The following ST6GALNAC3 variants were observed in gnomAD, a reference collection of about 807,000 sequenced individuals.
ST6GALNAC3 encodes the protein ST6 N-acetylgalactosaminide alpha-2,6-sialyltransferase 3.
A neutral mutation model predicts 32.7 loss-of-function variants in ST6GALNAC3; 25 were observed. The observed-to-expected ratio is 0.76, with a 90% CI of 0.56 to 1.07. The LOEUF (loss-of-function observed/expected upper bound fraction) is 1.07. ST6GALNAC3 is among the 50% of genes least tolerant of loss of function. The probability of loss-of-function intolerance (pLI) is 0.00; values close to 1 mark genes in which losing one functional copy is unlikely to be tolerated. For missense variants in ST6GALNAC3, 355 were observed against 382.4 expected, an observed-to-expected ratio of 0.93 and a Z score of 0.60; for synonymous variants, 129 against 133.1, an observed-to-expected ratio of 0.97 and a Z score of 0.21.
intron 3 of ST6GALNAC3, among the ~76,000 whole-genome samples, chr1:76,493,046 T>A (rs1413707476): frequency 6.6e-6 from 1 of 151,788 alleles, no homozygotes; most frequent in East Asian, 1.9e-4. Context: ...TTTTTTTTTC[T>A]TATTTTAAAG....
At chr1:76,193,410 T>C (rs1654020510) in intron 1 of ST6GALNAC3, among the ~76,000 whole-genome samples, 1 of 152,194 alleles carries the variant, frequency 6.6e-6, no homozygotes, top group Admixed American at 6.5e-5. Context: ...CCAACTCACA[T>C]TAAGCCTCCC....
At chr1:76,494,429 GTATA>G (rs60378565) in intron 3 of ST6GALNAC3, among the ~76,000 whole-genome samples, 5,612 of 53,180 alleles carry the variant, frequency 0.11, 426 homozygotes, top group African/African-American at 0.16. Flanking sequence ...GTGTGCATGT[GTATA>G]TATATATATA....
chr1:76,111,916 C>T (rs1456851695), intron 1 of ST6GALNAC3, among the ~76,000 whole-genome samples: 3 of 152,342 alleles, frequency 2.0e-5, no homozygotes, highest in Middle Eastern at 3.4e-3. Context: ...CACAAAACCG[C>T]CGTTGTCATC....
chr1:76,210,910 C>G (rs1655116851), intron 1 of ST6GALNAC3, among the ~76,000 whole-genome samples: 1 of 152,148 alleles, frequency 6.6e-6, no homozygotes, highest in African/African-American at 2.4e-5. Flanking sequence ...CCACACCTGG[C>G]TAATTTTTGT....
At chr1:76,213,095 A>G (rs1366755370) in intron 1 of ST6GALNAC3, among the ~76,000 whole-genome samples, 3 of 152,216 alleles carry the variant, frequency 2.0e-5, no homozygotes, top group Non-Finnish European at 2.9e-5. Context: ...GAGACCATGT[A>G]TGCTATGTGA....
chr1:76,588,965 C>T (rs955830442), intron 3 of ST6GALNAC3, among the ~76,000 whole-genome samples: 1 of 152,182 alleles, frequency 6.6e-6, no homozygotes, highest in African/African-American at 2.4e-5. Flanking sequence ...TCTATGTAAC[C>T]AATTCCAAGT....
chr1:76,111,941 A>T (rs1647984227), intron 1 of ST6GALNAC3, among the ~76,000 whole-genome samples: 1 of 152,064 alleles, frequency 6.6e-6, no homozygotes, highest in Non-Finnish European at 1.5e-5. Flanking sequence ...CCCCTTCTCA[A>T]TGAGCTGTTG....
intron 3 of ST6GALNAC3, among the ~76,000 whole-genome samples, chr1:76,473,247 CAGTA>C (rs1659150509): frequency 6.6e-6 from 1 of 152,050 alleles, no homozygotes; most frequent in Admixed American, 6.6e-5. Flanking sequence ...AGTCACACAG[CAGTA>C]ACTCCTAGAG....
At chr1:76,094,029 C>T (rs1238888691) in intron 1 of ST6GALNAC3, among the ~76,000 whole-genome samples, 3 of 152,132 alleles carry the variant, frequency 2.0e-5, no homozygotes, top group African/African-American at 4.8e-5. Context: ...CAACTAAGAA[C>T]TTATGAGGCT....
intron 1 of ST6GALNAC3, among the ~76,000 whole-genome samples, chr1:76,288,924 G>A (rs1228164261): frequency 3.9e-5 from 6 of 152,190 alleles, no homozygotes; most frequent in Non-Finnish European, 8.8e-5. Context: ...ATATATGAAA[G>A]TGTGGGGCTC....
chr1:76,387,458 A>C (rs1371307731), intron 2 of ST6GALNAC3, among the ~76,000 whole-genome samples: 1 of 152,024 alleles, frequency 6.6e-6, no homozygotes, highest in African/African-American at 2.4e-5. Context: ...TTTAGCTTAG[A>C]TTCTGTTTAG....
intron 3 of ST6GALNAC3, among the ~76,000 whole-genome samples, chr1:76,503,062 G>A (rs1040425596): frequency 5.9e-5 from 9 of 152,112 alleles, no homozygotes; most frequent in Admixed American, 3.3e-4. Flanking sequence ...AACCTGAAAC[G>A]GAACTTACAA....
chr1:76,225,250 C>T (rs1655999605), intron 1 of ST6GALNAC3, among the ~76,000 whole-genome samples: 2 of 152,084 alleles, frequency 1.3e-5, no homozygotes, highest in Admixed American at 1.3e-4. Context: ...GAATCTTATG[C>T]CTTATATCCA....
intron 1 of ST6GALNAC3, among the ~76,000 whole-genome samples, chr1:76,123,819 G>A (rs113073712): frequency 0.25 from 33,576 of 135,542 alleles, 4,746 homozygotes; most frequent in Admixed American, 0.35. Flanking sequence ...GCATGATCTC[G>A]GCTCACTGCA....
chr1:76,378,936 G>A (rs531092600), intron 2 of ST6GALNAC3, among the ~76,000 whole-genome samples: 42 of 152,044 alleles, frequency 2.8e-4, no homozygotes, highest in African/African-American at 9.4e-4. Context: ...TCACTCTGTC[G>A]CCCAGGCTGG....
intron 1 of ST6GALNAC3, among the ~76,000 whole-genome samples, chr1:76,276,347 CT>C (rs1405932263): frequency 6.6e-6 from 1 of 152,016 alleles, no homozygotes; most frequent in Non-Finnish European, 1.5e-5. Flanking sequence ...TAATTTTACC[CT>C]TTATGTATAC....
intron 3 of ST6GALNAC3, among the ~76,000 whole-genome samples, chr1:76,500,660 A>G (rs761357173): frequency 2.0e-5 from 3 of 152,166 alleles, no homozygotes; most frequent in Non-Finnish European, 4.4e-5. Context: ...AGATTGTTTC[A>G]GGCTAATGTG....
chr1:76,096,544 T>C (rs1647135367), intron 1 of ST6GALNAC3, among the ~76,000 whole-genome samples: 1 of 151,494 alleles, frequency 6.6e-6, no homozygotes, highest in Non-Finnish European at 1.5e-5. Context: ...TTTTAAGACA[T>C]TTTCTTTATT....
intron 1 of ST6GALNAC3, among the ~76,000 whole-genome samples, chr1:76,143,426 C>CGTGTGT (rs1557651201): frequency 1.3e-5 from 1 of 76,868 alleles, no homozygotes; most frequent in Non-Finnish European, 3.4e-5. Context: ...TGTGTGTGTC[C>CGTGTGT]GTCTGTGTGT....
Sources: allele counts gnomAD v4.1 joint callset (sites outside exome capture counted in the v4.1 genomes callset), GRCh38; gene constraint gnomAD v4.1.1; transcripts MANE v1.5; gene names NCBI Gene and HGNC (gene_info 2026-07-23, HGNC 2026-07-21).